The following CALN1 variants were observed in gnomAD, a reference collection of about 807,000 sequenced individuals.
CALN1 encodes the protein calcium-binding protein 8.
In CALN1, 17 loss-of-function variants were observed where a neutral mutation model predicts 30.6. The ratio of observed to expected loss-of-function variants is 0.56; its 90% CI spans 0.38 to 0.83. The LOEUF (loss-of-function observed/expected upper bound fraction) is 0.83. Ranked by LOEUF, CALN1 falls within the 40% of genes least tolerant of loss-of-function variation. The pLI is 0.00. For synonymous variants in CALN1, 156 were observed against 131.4 expected, an observed-to-expected ratio of 1.19 and a Z score of -1.28; for missense variants, 291 against 354.9, an observed-to-expected ratio of 0.82 and a Z score of 1.45.
chr7:72,148,111 A>AC (rs1309530834), intron 3 of CALN1, among the ~76,000 whole-genome samples: 1 of 150,144 alleles, frequency 6.7e-6, no homozygotes, highest in Admixed American at 6.7e-5. Context: ...TAAAAAAAAA[A>AC]AACAACCAAC....
At position 72,278,762 on chromosome 7, in the gene CALN1, C is replaced by G; in HGVS notation, c.168G>C (p.Gly56=). The G allele has an allele frequency of 6.2e-7, 1 of 1,613,952 alleles. No homozygotes were observed. The highest frequency in any genetic ancestry group is 8.5e-7 in the Non-Finnish European group (1 of 1,179,882). ...HHVTAGLLYK[G]NYLNRSLSAG... ...CAGAGAGCGATCGGTTGAGGTAATTCCCCTTGTACAACAAGCCGGCGGTCA... is the reference window on the plus strand; with the variant it reads ...CAGAGAGCGATCGGTTGAGGTAATTGCCCTTGTACAACAAGCCGGCGGTCA... The change falls in exon 3 of 7, where the codon GGG becomes GGC. Residue 56 remains glycine (G), a synonymous_variant. Transcript: ENST00000395275.
intron 3 of CALN1, among the ~76,000 whole-genome samples, chr7:72,269,429 A>G (rs1295573257): frequency 6.6e-6 from 1 of 151,930 alleles, no homozygotes. Context: ...TCATTGTTCA[A>G]TTCCCACCTA....
chr7:72,166,239 T>C (rs1044307559), intron 3 of CALN1, among the ~76,000 whole-genome samples: 2 of 152,230 alleles, frequency 1.3e-5, no homozygotes, highest in African/African-American at 4.8e-5. Context: ...GTTCTCGCTG[T>C]TACCCAAGCT....
chr7:72,127,387 C>T (rs1808840519), intron 3 of CALN1, among the ~76,000 whole-genome samples: 1 of 152,068 alleles, frequency 6.6e-6, no homozygotes, highest in Non-Finnish European at 1.5e-5. Context: ...GCAGATTATG[C>T]ACATTTTGTG....
chr7:72,209,990 G>C (rs1440134285), intron 3 of CALN1, among the ~76,000 whole-genome samples: 2 of 152,090 alleles, frequency 1.3e-5, no homozygotes, highest in Non-Finnish European at 2.9e-5. Flanking sequence ...AGTCATAAGA[G>C]GGTGTTCCAG....
intron 4 of CALN1, among the ~76,000 whole-genome samples, chr7:72,091,153 A>T (rs980272095): frequency 6.6e-6 from 1 of 151,944 alleles, no homozygotes; most frequent in Non-Finnish European, 1.5e-5. Context: ...ACATGGTGAG[A>T]CTCCCTTTCT....
rs183489720 is a variant in CALN1 at position 72,115,778 on chromosome 7, G to A, written c.245-9484C>T. Among the ~76,000 whole-genome samples, 615 of 151,932 alleles carry A rather than the reference G, an allele frequency of 4.0e-3. 3 individuals are homozygous for A. The highest frequency in any genetic ancestry group is 0.013 in the African/African-American group (559 of 41,450). On this transcript the variant is annotated intron_variant, in intron 3 of 6. Coordinates refer to ENST00000395275, the MANE Select transcript of CALN1 (RefSeq NM_031468.4). ...TAGGATTACAGGCGTGAGTCACCGT[G>A]CCCGGCCATATACATTCTTTTTTAT...
intron 2 of CALN1, among the ~76,000 whole-genome samples, chr7:72,298,434 C>G (rs1433464240): frequency 6.6e-6 from 1 of 152,314 alleles, no homozygotes; most frequent in East Asian, 1.9e-4. Flanking sequence ...TCTGTCCAAT[C>G]TGATGAACTC....
At chr7:71,846,827 GTA>G (rs1348285391) in intron 5 of CALN1, among the ~76,000 whole-genome samples, 1 of 89,664 alleles carries the variant, frequency 1.1e-5, no homozygotes, top group African/African-American at 6.7e-5. Context: ...ATAAATATGT[GTA>G]TATACATGTG....
At chr7:71,877,637 T>TAA (rs201964687) in intron 5 of CALN1, among the ~76,000 whole-genome samples, 1 of 141,752 alleles carries the variant, frequency 7.1e-6, no homozygotes, top group Admixed American at 7.1e-5. Context: ...AAGACCTTTA[T>TAA]AAAAAAAAAA....
chr7:71,990,338 T>C (rs192139498), intron 5 of CALN1, among the ~76,000 whole-genome samples: 20 of 152,320 alleles, frequency 1.3e-4, no homozygotes, highest in African/African-American at 4.8e-4. Context: ...TGCCCACACC[T>C]TTCCTGGAAA....
chr7:72,393,507 A>G (rs1805716502), intron 2 of CALN1, among the ~76,000 whole-genome samples: 2 of 152,122 alleles, frequency 1.3e-5, no homozygotes, highest in Admixed American at 1.3e-4. Flanking sequence ...ACACCATAAC[A>G]TATGAAGTAT....
At chr7:72,371,666 A>G (rs773208350) in intron 2 of CALN1, among the ~76,000 whole-genome samples, 2 of 152,228 alleles carry the variant, frequency 1.3e-5, no homozygotes, top group Non-Finnish European at 2.9e-5. Flanking sequence ...GGACTAATGT[A>G]GCATGTATGT....
intron 6 of CALN1, among the ~76,000 whole-genome samples, chr7:71,806,699 T>C (rs566436181): frequency 6.6e-6 from 1 of 151,334 alleles, no homozygotes; most frequent in African/African-American, 2.4e-5. Flanking sequence ...ATGAGACTAC[T>C]GATGTCAGCT....
intron 4 of CALN1, among the ~76,000 whole-genome samples, chr7:72,027,193 A>G (rs1383268249): frequency 4.6e-5 from 7 of 152,300 alleles, no homozygotes; most frequent in South Asian, 4.1e-4. Flanking sequence ...AGAAAAATGC[A>G]TATCTGAAAA....
At chr7:72,174,155 G>A (rs1357640660) in intron 3 of CALN1, among the ~76,000 whole-genome samples, 1 of 152,056 alleles carries the variant, frequency 6.6e-6, no homozygotes, top group African/African-American at 2.4e-5. Flanking sequence ...CACATCATTA[G>A]TCATTAGGAA....
chr7:72,118,617 A>C (rs1222823125), intron 3 of CALN1, among the ~76,000 whole-genome samples: 1 of 152,172 alleles, frequency 6.6e-6, no homozygotes, highest in Non-Finnish European at 1.5e-5. Context: ...GAACAGAAAC[A>C]AACAAAGAAA....
At chr7:71,962,177 G>C (rs1009358058) in intron 5 of CALN1, among the ~76,000 whole-genome samples, 1 of 151,532 alleles carries the variant, frequency 6.6e-6, no homozygotes, top group South Asian at 2.1e-4. Context: ...AGGATCACTT[G>C]AGGCCAGGAG....
chr7:72,065,138 AT>A (rs1343524686), intron 4 of CALN1, among the ~76,000 whole-genome samples: 3 of 146,938 alleles, frequency 2.0e-5, no homozygotes, highest in Non-Finnish European at 4.5e-5. Flanking sequence ...ATATATTTAT[AT>A]TTTAAAATAT....
Sources: allele counts gnomAD v4.1 joint callset (sites outside exome capture counted in the v4.1 genomes callset), GRCh38; gene constraint gnomAD v4.1.1; transcripts MANE v1.5; gene names NCBI Gene and HGNC (gene_info 2026-07-23, HGNC 2026-07-21).